Variants in CDKAL1 observed in about 807,000 individuals in gnomAD.
CDKAL1 encodes the protein CDKAL1 threonylcarbamoyladenosine tRNA methylthiotransferase, also known as threonylcarbamoyladenosine tRNA methylthiotransferase.
Under a neutral mutation model 68.2 loss-of-function variants are expected in CDKAL1, and 32 were observed. That is an observed-to-expected ratio of 0.47 (90% CI 0.35 to 0.63). The LOEUF is 0.63. Ranked by LOEUF, CDKAL1 falls within the 30% of genes least tolerant of loss-of-function variation. CDKAL1 has a pLI of 0.00. For synonymous variants in CDKAL1, 234 were observed against 244.3 expected (o/e 0.96, Z 0.39); for missense variants, 606 against 696.7 (o/e 0.87, Z 1.47).
At chr6:21,016,611 T>TCCA (rs764004588) in intron 11 of CDKAL1, among the ~76,000 whole-genome samples, 10 of 145,230 alleles carry the variant, frequency 6.9e-5, no homozygotes, top group African/African-American at 2.3e-4. Context: ...ACGCCTTCCA[T>TCCA]TCATCCATCC....
chr6:20,884,919 A>G (rs1357460409), intron 9 of CDKAL1, among the ~76,000 whole-genome samples: 2 of 152,072 alleles, frequency 1.3e-5, no homozygotes, highest in Admixed American at 6.6e-5. Context: ...TTGAGCCTGA[A>G]AGTTTGAGAC....
At chr6:20,722,755 T>C (rs967034304) in intron 5 of CDKAL1, among the ~76,000 whole-genome samples, 2 of 152,172 alleles carry the variant, frequency 1.3e-5, no homozygotes, top group Non-Finnish European at 2.9e-5. Context: ...ACCAATTGAA[T>C]GTTGCCTTTT....
At chr6:20,857,679 G>A (rs1485645508) in intron 9 of CDKAL1, among the ~76,000 whole-genome samples, 2 of 152,184 alleles carry the variant, frequency 1.3e-5, no homozygotes, top group African/African-American at 2.4e-5. Flanking sequence ...TTCTAGAAAT[G>A]TTTGTCTAGA....
intron 11 of CDKAL1, among the ~76,000 whole-genome samples, chr6:21,041,502 G>A (rs1245045081): frequency 6.6e-6 from 1 of 151,000 alleles, no homozygotes; most frequent in African/African-American, 2.4e-5. Context: ...CTTAAATCAT[G>A]TAATTCCTTT....
intron 8 of CDKAL1, among the ~76,000 whole-genome samples, chr6:20,790,810 C>G (rs1198999121): frequency 6.6e-6 from 1 of 152,174 alleles, no homozygotes; most frequent in Non-Finnish European, 1.5e-5. Context: ...TGGTTTCTCT[C>G]TCTCTGTGTG....
At chr6:20,845,808 T>G (rs1399309088) in intron 8 of CDKAL1, among the ~76,000 whole-genome samples, 1 of 152,214 alleles carries the variant, frequency 6.6e-6, no homozygotes, top group East Asian at 1.9e-4. Flanking sequence ...TTAAACTTTC[T>G]TCCTCATAGA....
intron 10 of CDKAL1, among the ~76,000 whole-genome samples, chr6:20,992,731 G>A (rs1364293967): frequency 1.3e-5 from 2 of 151,622 alleles, no homozygotes; most frequent in Non-Finnish European, 2.9e-5. Flanking sequence ...GTGAGACCCC[G>A]TCTCTAGGAA....
At chr6:21,099,678 C>T (rs2150981714) in intron 12 of CDKAL1, among the ~76,000 whole-genome samples, 1 of 152,330 alleles carries the variant, frequency 6.6e-6, no homozygotes, top group African/African-American at 2.4e-5. Flanking sequence ...AACTCGTGTT[C>T]TTATGGGCTA....
chr6:21,032,451 T>C (rs415446), intron 11 of CDKAL1, among the ~76,000 whole-genome samples: 73,245 of 151,934 alleles, frequency 0.48, 17,838 homozygotes, highest in Middle Eastern at 0.56. Flanking sequence ...GTTACTTAAT[T>C]ATTCTCCCTT....
intron 10 of CDKAL1, among the ~76,000 whole-genome samples, chr6:20,955,928 T>C (rs1369380999): frequency 1.3e-5 from 2 of 152,204 alleles, no homozygotes; most frequent in Non-Finnish European, 2.9e-5. Flanking sequence ...GCTAATGTGT[T>C]GCATTAATTT....
At chr6:20,680,506 G>A (rs993988561) in intron 5 of CDKAL1, among the ~76,000 whole-genome samples, 13 of 152,142 alleles carry the variant, frequency 8.5e-5, no homozygotes, top group African/African-American at 2.7e-4. Flanking sequence ...ACAATAAAGC[G>A]CTGTTAGCAA....
chr6:20,777,367 T>TA, intron 7 of CDKAL1, among the ~76,000 whole-genome samples: 1 of 152,286 alleles, frequency 6.6e-6, no homozygotes, highest in South Asian at 2.1e-4. Context: ...AATTCTAGTA[T>TA]TTTGGGAGGC....
Position 21,230,901 on chromosome 6 carries a change from T to C in CDKAL1, c.1602T>C (p.Ala534=), listed in dbSNP as rs1269966659. 2.5e-6 allele frequency: 4 copies of C among 1,613,942 alleles called. No individual in the cohort carries two copies. The highest frequency in any genetic ancestry group is 3.4e-6 in the Non-Finnish European group (4 of 1,179,850). ...NQLSSGSHTS[A]ASQCDSASSR... is the part of the protein sequence containing the mutation. ...TGAGTTCAGGATCCCACACCTCTGC[T>C]GCATCTCAGTGTGACTCAGCGAGTT... is the stretch of plus-strand genomic sequence containing the variant. The change falls in exon 16 of 16, where the codon GCT becomes GCC. Residue 534 remains alanine, a synonymous_variant. Transcript: ENST00000274695.
intron 13 of CDKAL1, among the ~76,000 whole-genome samples, chr6:21,151,221 G>T (rs1014196150): frequency 6.6e-6 from 1 of 152,120 alleles, no homozygotes; most frequent in Non-Finnish European, 1.5e-5. Flanking sequence ...AAAAATCCAT[G>T]CTGTCAGCTC....
At chr6:21,183,712 T>C (rs1777892752) in intron 13 of CDKAL1, among the ~76,000 whole-genome samples, 1 of 152,198 alleles carries the variant, frequency 6.6e-6, no homozygotes, top group Non-Finnish European at 1.5e-5. Flanking sequence ...CTGCGGGTTA[T>C]GTTACCAACA....
At chr6:20,773,636 C>T (rs1775041029) in intron 7 of CDKAL1, among the ~76,000 whole-genome samples, 1 of 152,000 alleles carries the variant, frequency 6.6e-6, no homozygotes, top group African/African-American at 2.4e-5. Flanking sequence ...CAAGCTCCAC[C>T]TTCTGGGTTC....
At chr6:21,225,546 C>T (rs1404512814) in intron 15 of CDKAL1, among the ~76,000 whole-genome samples, 1 of 152,172 alleles carries the variant, frequency 6.6e-6, no homozygotes, top group Non-Finnish European at 1.5e-5. Context: ...ATTCCAGGCA[C>T]TCTGCCCGGC....
At chr6:20,811,765 A>G (rs925927302) in intron 8 of CDKAL1, among the ~76,000 whole-genome samples, 2 of 148,810 alleles carry the variant, frequency 1.3e-5, no homozygotes, top group Non-Finnish European at 3.0e-5. Context: ...GTAAGATTTT[A>G]TCAATTTTTT....
In CDKAL1 at chr6:20,546,325, T is replaced by C. The variant is rs766692573; in HGVS notation, c.-5-21T>C. ...AGCAGATTTTCATAAGTTGATTTTA[T>C]TTATAACTTTTATGTGGTAGAGAAT... On this transcript the variant is annotated intron_variant, in intron 2 of 15. Transcript: ENST00000274695. 1.3e-6 allele frequency: 2 copies of C among 1,553,922 alleles called. 1 individual carries two copies. The highest frequency in any genetic ancestry group is 2.4e-5 in the South Asian group (2 of 84,310).
Sources: allele counts gnomAD v4.1 joint callset (sites outside exome capture counted in the v4.1 genomes callset), GRCh38; gene constraint gnomAD v4.1.1; transcripts MANE v1.5; gene names NCBI Gene and HGNC (gene_info 2026-07-23, HGNC 2026-07-21).